The following CACNA1C variants were observed in gnomAD, a reference collection of about 807,000 sequenced individuals.
CACNA1C encodes voltage-dependent L-type calcium channel subunit alpha-1C.
Under a neutral mutation model 229.0 loss-of-function variants are expected in CACNA1C, and 30 were observed. That is an observed-to-expected ratio of 0.13 (90% CI 0.10 to 0.18). The LOEUF (loss-of-function observed/expected upper bound fraction) is 0.18. Among genes scored for constraint, CACNA1C ranks in the 10% least tolerant of loss-of-function variants. The pLI, the probability that CACNA1C is intolerant of heterozygous loss-of-function variation, is 1.00. For synonymous variants in CACNA1C, 1,114 were observed against 1,132.5 expected (o/e 0.98, Z 0.33); for missense variants, 1,658 against 2,845.0 (o/e 0.58, Z 9.49).
intron 3 of CACNA1C, among the ~76,000 whole-genome samples, chr12:2,333,222 C>G (rs948888819): frequency 1.3e-5 from 2 of 152,182 alleles, no homozygotes; most frequent in African/African-American, 2.4e-5. Flanking sequence ...ATAAGGAACA[C>G]TAAGTATTGG....
In CACNA1C at chr12:2,653,937, G is replaced by T. The variant is rs373263099; in HGVS notation, c.4140+37G>T. On this transcript the variant is annotated intron_variant, in intron 33 of 46. Transcript: ENST00000399655. This position sits in a 1 kb window ranked among gnomAD's most constrained non-coding sequence, Gnocchi z 4.7. ...CCCACCACGGGGCTCCTGGCCTCCC[G>T]CTCTGTCTCTCCCCAGTTCCCAGCA... The T allele has an allele frequency of 3.5e-4, 545 of 1,552,122 alleles. No individual in the cohort carries two copies. The highest frequency in any genetic ancestry group is 1.3e-3 in the Middle Eastern group (8 of 5,968).
At position 2,108,607 on chromosome 12, in the gene CACNA1C, G is replaced by T. The variant is rs2080224090; in HGVS notation, c.50-6617G>T. 6.6e-6 allele frequency among the ~76,000 whole-genome samples: 1 copy of T among 152,224 alleles called. No homozygotes were observed. The highest frequency in any genetic ancestry group is 2.1e-4 in the South Asian group (1 of 4,830). On this transcript the variant is annotated intron_variant, in intron 1 of 46. Transcript: ENST00000399655. This position sits in a 1 kb window ranked among gnomAD's most constrained non-coding sequence, Gnocchi z 5.3. ...GCAGTCCAGCGGGGCACCGTAGGAG[G>T]AGGGTGGAAGAGCTGCTGAGACCGC...
At chr12:2,120,101 C>T (rs375621777) in intron 2 of CACNA1C, among the ~76,000 whole-genome samples, 1 of 152,214 alleles carries the variant, frequency 6.6e-6, no homozygotes, top group African/African-American at 2.4e-5. Flanking sequence ...TACTCTGGCA[C>T]GCGACTGGCC....
intron 11 of CACNA1C, among the ~76,000 whole-genome samples, chr12:2,565,459 G>C (rs950565515): frequency 7.5e-6 from 1 of 132,868 alleles, no homozygotes; most frequent in African/African-American, 2.9e-5. Context: ...GGGCGACAGA[G>C]CGAGACTCCG....
intron 3 of CACNA1C, among the ~76,000 whole-genome samples, chr12:2,409,350 A>G (rs1197059369): frequency 6.6e-6 from 1 of 151,966 alleles, no homozygotes; most frequent in Non-Finnish European, 1.5e-5. Context: ...GTAGAACTAG[A>G]TCATCCCTAG....
chr12:2,332,575 A>G (rs2096578169), intron 3 of CACNA1C, among the ~76,000 whole-genome samples: 1 of 152,228 alleles, frequency 6.6e-6, no homozygotes, highest in African/African-American at 2.4e-5. Flanking sequence ...AAAATAAACA[A>G]AAATGCAAAG....
chr12:2,680,194 T>C (rs2097062982), intron 42 of CACNA1C, among the ~76,000 whole-genome samples: 1 of 151,862 alleles, frequency 6.6e-6, no homozygotes, highest in African/African-American at 2.4e-5. Flanking sequence ...TTTCCATTGC[T>C]TCCCTGGAGC....
chr12:2,332,635 T>C (rs1345635405), intron 3 of CACNA1C, among the ~76,000 whole-genome samples: 1 of 152,244 alleles, frequency 6.6e-6, no homozygotes, highest in African/African-American at 2.4e-5. Flanking sequence ...AGTAAAATAT[T>C]GGAGACAATT....
intron 9 of CACNA1C, among the ~76,000 whole-genome samples, chr12:2,540,994 C>T (rs1252416675): frequency 6.6e-6 from 1 of 152,164 alleles, no homozygotes; most frequent in Non-Finnish European, 1.5e-5. Flanking sequence ...GGTCAGTCCC[C>T]AGGCCTCTCT....
At chr12:2,258,300 A>G (rs1260036276) in intron 3 of CACNA1C, among the ~76,000 whole-genome samples, 1 of 152,352 alleles carries the variant, frequency 6.6e-6, no homozygotes, top group African/African-American at 2.4e-5. Context: ...TTTAACTGCC[A>G]GGAAACTTAG....
intron 5 of CACNA1C, among the ~76,000 whole-genome samples, chr12:2,482,127 G>A (rs779107903): frequency 3.9e-5 from 6 of 152,230 alleles, no homozygotes; most frequent in Admixed American, 2.0e-4. Context: ...ATGTCTGGCC[G>A]CACGCCTTCA....
At chr12:2,266,455 A>T (rs1055197602) in intron 3 of CACNA1C, among the ~76,000 whole-genome samples, 2 of 152,246 alleles carry the variant, frequency 1.3e-5, no homozygotes, top group African/African-American at 4.8e-5. Flanking sequence ...CTCTAGGCAC[A>T]CCTGTTAGAT....
intron 9 of CACNA1C, among the ~76,000 whole-genome samples, chr12:2,542,913 T>A (rs934326192): frequency 1.3e-5 from 2 of 152,180 alleles, no homozygotes; most frequent in African/African-American, 4.8e-5. Context: ...CAACTTGCTG[T>A]AGCCATTGAT....
chr12:2,387,826 G>A (rs1234412588), intron 3 of CACNA1C, among the ~76,000 whole-genome samples: 1 of 152,188 alleles, frequency 6.6e-6, no homozygotes, highest in Non-Finnish European at 1.5e-5. Context: ...GCAGAGGGGC[G>A]AGGGCAGGAG....
At chr12:2,221,978 C>T (rs3922316) in intron 3 of CACNA1C, among the ~76,000 whole-genome samples, 1 of 152,102 alleles carries the variant, frequency 6.6e-6, no homozygotes, top group Middle Eastern at 3.4e-3. Context: ...AGATATATAA[C>T]CTCTATTTAC....
chr12:2,309,983 A>G (rs2095330788), intron 3 of CACNA1C, among the ~76,000 whole-genome samples: 1 of 152,326 alleles, frequency 6.6e-6, no homozygotes, highest in East Asian at 1.9e-4. Context: ...GCAGTCTGGT[A>G]ACACCCTAGT....
intron 3 of CACNA1C, among the ~76,000 whole-genome samples, chr12:2,334,003 C>T (rs1048200189): frequency 3.3e-5 from 5 of 152,280 alleles, no homozygotes; most frequent in Admixed American, 2.6e-4. Flanking sequence ...GCAAACAGTA[C>T]GATGCTGGGC....
Position 2,669,050 on chromosome 12 carries a change from G to A in CACNA1C, c.4726+15G>A, listed in dbSNP as rs770879323. On this transcript the variant is annotated intron_variant, in intron 38 of 46. Coordinates refer to ENST00000399655, the MANE Select transcript of CACNA1C (RefSeq NM_000719.7). ...CAAAACAGAAGGTAAGGTCGCCCGT[G>A]GGCACTGGGAGAGACACTCAGAAGG... is the stretch of plus-strand genomic sequence containing the variant. The A allele has an allele frequency of 9.0e-6, 14 of 1,553,742 alleles. No homozygotes were observed. The African/African-American group carries it at 1.8e-4, about 20-fold the overall frequency.
intron 1 of CACNA1C, among the ~76,000 whole-genome samples, chr12:2,087,070 T>A (rs1333554510): frequency 6.7e-6 from 1 of 149,076 alleles, no homozygotes; most frequent in Non-Finnish European, 1.5e-5. Context: ...CCAGGCTGGG[T>A]TTTTTTATCT....
Sources: allele counts gnomAD v4.1 joint callset (sites outside exome capture counted in the v4.1 genomes callset), GRCh38; gene constraint gnomAD v4.1.1; non-coding constraint Gnocchi (gnomAD v3.1); transcripts MANE v1.5; gene names NCBI Gene and HGNC (gene_info 2026-07-23, HGNC 2026-07-21).